IL1RAPL2: variants seen among roughly 807,000 people sequenced by gnomAD.
IL1RAPL2 encodes the protein interleukin 1 receptor accessory protein like 2, also known as X-linked interleukin-1 receptor accessory protein-like 2.
In IL1RAPL2, 3 loss-of-function variants were observed where a neutral mutation model predicts 44.1. The observed-to-expected ratio is 0.07, with a 90% CI of 0.03 to 0.18. The LOEUF is 0.18. IL1RAPL2 is among the 10% of genes least tolerant of loss of function. IL1RAPL2 has a pLI of 1.00. For missense variants in IL1RAPL2, 391 were observed against 496.4 expected (o/e 0.79, Z 2.02); for synonymous variants, 181 against 178.8 (o/e 1.01, Z -0.10).
intron 5 of IL1RAPL2, among the ~76,000 whole-genome samples, chrX:105,411,520 C>T (rs758531386): frequency 1.9e-4 from 21 of 111,198 alleles, no homozygotes; most frequent in Non-Finnish European, 3.6e-4. Context: ...AATAGCCATA[C>T]TCATATCAGA....
intron 6 of IL1RAPL2, among the ~76,000 whole-genome samples, chrX:105,522,141 A>G (rs1047249949): frequency 1.8e-5 from 2 of 111,897 alleles, no homozygotes; most frequent in African/African-American, 6.5e-5. Context: ...TGGAGGCTTT[A>G]TTCTGTGACT....
At chrX:104,720,821 C>T (rs1457055765) in intron 2 of IL1RAPL2, among the ~76,000 whole-genome samples, 1 of 111,451 alleles carries the variant, frequency 9.0e-6, no homozygotes, top group African/African-American at 3.3e-5. Context: ...CATTTTAAAA[C>T]ACTGTCAGTC....
intron 2 of IL1RAPL2, among the ~76,000 whole-genome samples, chrX:105,153,996 G>T (rs1011632106): frequency 9.0e-6 from 1 of 111,529 alleles, no homozygotes; most frequent in Non-Finnish European, 1.9e-5. Context: ...AGACAGCTTC[G>T]CAGGGCCATT....
At chrX:105,256,369 C>T (rs1481639932) in intron 4 of IL1RAPL2, among the ~76,000 whole-genome samples, 2 of 107,236 alleles carry the variant, frequency 1.9e-5, no homozygotes, top group Admixed American at 2.0e-4. Flanking sequence ...CTCTCAGTCA[C>T]CCAGGCTGGA....
chrX:105,743,370 C>A (rs1385935527), intron 8 of IL1RAPL2, among the ~76,000 whole-genome samples: 1 of 111,312 alleles, frequency 9.0e-6, no homozygotes, highest in Non-Finnish European at 1.9e-5. Flanking sequence ...CACTAGCCTG[C>A]TTTCTGTTTC....
intron 2 of IL1RAPL2, among the ~76,000 whole-genome samples, chrX:104,932,450 C>T (rs1428907637): frequency 9.0e-6 from 1 of 111,479 alleles, no homozygotes; most frequent in African/African-American, 3.3e-5. Flanking sequence ...CTTTCAAGTT[C>T]ATTATTTGAA....
chrX:105,681,310 CT>C (rs1180191059), intron 6 of IL1RAPL2, among the ~76,000 whole-genome samples: 1 of 111,288 alleles, frequency 9.0e-6, no homozygotes, highest in Non-Finnish European at 1.9e-5. Flanking sequence ...CTTCTGAGGC[CT>C]TTCTAGTTTC....
intron 6 of IL1RAPL2, 76 bp from the exon 7 acceptor site, chrX:105,717,291 G>A: frequency 1.1e-6 from 1 of 928,806 alleles, no homozygotes; most frequent in Non-Finnish European, 1.4e-6. Context: ...TTTTCCTTTG[G>A]ATGTTAAATG....
At position 104,849,994 on chromosome X, in the gene IL1RAPL2, A is replaced by G. The variant is rs140236571; in HGVS notation, c.82+190999A>G. 5.5e-3 allele frequency among the ~76,000 whole-genome samples: 616 copies of G among 111,421 alleles called. 9 individuals are homozygous for G. Among genetic ancestry groups the G allele is most frequent in the African/African-American group, 0.019 (570 of 30,765 alleles). Reference sequence around the variant, plus strand: ...ACATGTGTGTATATATACACAAAAGATCCTATAGGTTTTATTTTAAAATTT... The same window carrying G: ...ACATGTGTGTATATATACACAAAAGGTCCTATAGGTTTTATTTTAAAATTT... On this transcript the variant is annotated intron_variant, in intron 2 of 10. Transcript: ENST00000372582.
intron 5 of IL1RAPL2, among the ~76,000 whole-genome samples, chrX:105,430,328 A>AG (rs1327589726): frequency 9.0e-6 from 1 of 111,680 alleles, no homozygotes; most frequent in Non-Finnish European, 1.9e-5. Flanking sequence ...ATATGGCCAC[A>AG]AAGTATTTCT....
chrX:105,341,235 C>G (rs7053099), intron 5 of IL1RAPL2, among the ~76,000 whole-genome samples: 14,464 of 111,147 alleles, frequency 0.13, 2,259 homozygotes, highest in African/African-American at 0.45. Context: ...CAGTCTAAAT[C>G]AAGAATATAT....
At chrX:105,374,865 G>A (rs145975527) in intron 5 of IL1RAPL2, among the ~76,000 whole-genome samples, 1,710 of 103,773 alleles carry the variant, frequency 0.016, 38 homozygotes, top group African/African-American at 0.058. Flanking sequence ...GGAGAATGGC[G>A]TGAACCCGGT....
chrX:105,333,512 A>G (rs2035003824), intron 5 of IL1RAPL2, among the ~76,000 whole-genome samples: 1 of 111,719 alleles, frequency 9.0e-6, no homozygotes, highest in African/African-American at 3.2e-5. Context: ...AAATGGACAA[A>G]TGGAATCATA....
At position 104,956,185 on chromosome X, in the gene IL1RAPL2, T is replaced by C. The variant is rs1401005666; in HGVS notation, c.83-239290T>C. Among the ~76,000 whole-genome samples the C allele has an allele frequency of 2.7e-5, 3 of 112,067 alleles. No homozygotes were observed. The East Asian group carries it at 8.4e-4, about 32-fold the overall frequency. Reference sequence around the variant, plus strand: ...CTTTTCCTTCACTCACAGCTTTCACTGACTTGGCAGATAAAGGGCATCCCT... The same window carrying C: ...CTTTTCCTTCACTCACAGCTTTCACCGACTTGGCAGATAAAGGGCATCCCT... On this transcript the variant is annotated intron_variant, in intron 2 of 10. Transcript: ENST00000372582.
chrX:104,837,271 A>G (rs1234225149), intron 2 of IL1RAPL2, among the ~76,000 whole-genome samples: 3 of 111,241 alleles, frequency 2.7e-5, no homozygotes, highest in Non-Finnish European at 5.7e-5. Context: ...GTTGAGTGGT[A>G]TTTCTGGTTC....
At chrX:104,814,070 A>G (rs1777235589) in intron 2 of IL1RAPL2, among the ~76,000 whole-genome samples, 2 of 110,839 alleles carry the variant, frequency 1.8e-5, no homozygotes, top group Admixed American at 1.9e-4. Flanking sequence ...CTCTCTGAGC[A>G]TGGGTACCAG....
intron 2 of IL1RAPL2, among the ~76,000 whole-genome samples, chrX:105,159,982 ACC>A (rs200123489): frequency 0.039 from 2,871 of 72,977 alleles, 139 homozygotes; most frequent in African/African-American, 0.14. Context: ...GACTTAAAGA[ACC>A]CCCCCCCCCA....
chrX:105,040,083 A>C (rs1260655088), intron 2 of IL1RAPL2, among the ~76,000 whole-genome samples: 1 of 111,143 alleles, frequency 9.0e-6, no homozygotes, highest in African/African-American at 3.3e-5. Context: ...GAGAGTTTTT[A>C]GCATGAAGGG....
intron 2 of IL1RAPL2, among the ~76,000 whole-genome samples, chrX:105,167,304 C>G (rs2033378815): frequency 8.9e-6 from 1 of 112,573 alleles, no homozygotes; most frequent in Non-Finnish European, 1.9e-5. Context: ...AAAGGAATTT[C>G]TGCCTAAGGA....
Sources: allele counts gnomAD v4.1 joint callset (sites outside exome capture counted in the v4.1 genomes callset), GRCh38; gene constraint gnomAD v4.1.1; transcripts MANE v1.5; gene names NCBI Gene and HGNC (gene_info 2026-07-23, HGNC 2026-07-21).